Variants in TLE1 observed in about 807,000 individuals in gnomAD.
TLE1 encodes the protein TLE family member 1, transcriptional corepressor.
A neutral mutation model predicts 89.8 loss-of-function variants in TLE1; 21 were observed. The observed-to-expected ratio is 0.23, with a 90% CI of 0.17 to 0.34. The LOEUF (loss-of-function observed/expected upper bound fraction) is 0.34, where lower values mean the gene tolerates loss of function less well. Ranked by LOEUF, TLE1 falls within the 10% of genes least tolerant of loss-of-function variation. The probability of loss-of-function intolerance (pLI) is 1.00; values close to 1 mark genes in which losing one functional copy is unlikely to be tolerated. For missense variants in TLE1, 795 were observed against 1,031.2 expected (o/e 0.77, Z 3.14); for synonymous variants, 447 against 407.6 (o/e 1.10, Z -1.16).
intron 6 of TLE1, among the ~76,000 whole-genome samples, chr9:81,651,202 T>C (rs373450199): frequency 4.6e-5 from 7 of 152,270 alleles, no homozygotes; most frequent in Admixed American, 1.3e-4. Context: ...TTAACATAAA[T>C]TGATAAATGA....
chr9:81,591,076 G>A (rs770822821), intron 15 of TLE1, 24 bp from the exon 16 acceptor site: 1 of 1,601,818 alleles, frequency 6.2e-7, no homozygotes, highest in Non-Finnish European at 8.5e-7. Flanking sequence ...ATAATTCATT[G>A]CTATAATGAA....
intron 14 of TLE1, among the ~76,000 whole-genome samples, chr9:81,600,793 G>A (rs1488707530): frequency 6.6e-6 from 1 of 152,166 alleles, no homozygotes; most frequent in African/African-American, 2.4e-5. Flanking sequence ...GGTAACCTGA[G>A]TAAAGAAGGT....
chr9:81,617,031 C>T (rs78729715), intron 9 of TLE1, among the ~76,000 whole-genome samples: 8 of 150,114 alleles, frequency 5.3e-5, no homozygotes, highest in East Asian at 4.0e-4. Context: ...CTGAATTTCT[C>T]GAGGGATGAA....
At chr9:81,659,097 T>C (rs184471828) in intron 4 of TLE1, among the ~76,000 whole-genome samples, 1 of 152,112 alleles carries the variant, frequency 6.6e-6, no homozygotes, top group East Asian at 1.9e-4. Context: ...TTAGTAGAGA[T>C]GGGGTTTCAC....
intron 8 of TLE1, among the ~76,000 whole-genome samples, chr9:81,632,137 A>G (rs1201497071): frequency 6.6e-6 from 1 of 150,974 alleles, no homozygotes. Context: ...GCAAAACAAT[A>G]AGGCTTCCTC....
chr9:81,687,446 CA>C lies in TLE1; in HGVS notation c.25-13del. 6.2e-7 allele frequency: 1 copy of C among 1,602,700 alleles called. No individual in the cohort carries two copies. ...GCCTGGTGCGGCGTCTGGGGGCGACCAGCGAGGGGGACCGAGGGACGGGAAT... is the reference window on the plus strand; with the variant it reads ...GCCTGGTGCGGCGTCTGGGGGCGACCGCGAGGGGGACCGAGGGACGGGAAT... On this transcript the variant is annotated splice_polypyrimidine_tract_variant and intron_variant, in intron 1 of 19. Transcript: ENST00000376499.
chr9:81,638,387 G>A (rs1346698515), intron 6 of TLE1, among the ~76,000 whole-genome samples: 2 of 152,186 alleles, frequency 1.3e-5, no homozygotes, highest in Admixed American at 1.3e-4. Flanking sequence ...ATTTAAATGA[G>A]TAGAGGGTCC....
chr9:81,645,121 A>G (rs1353633597), intron 6 of TLE1, among the ~76,000 whole-genome samples: 1 of 151,580 alleles, frequency 6.6e-6, no homozygotes, highest in Non-Finnish European at 1.5e-5. Flanking sequence ...GCACTTTGGG[A>G]GGCCAAGGCA....
chr9:81,667,897 C>G (rs1227089687), intron 4 of TLE1, among the ~76,000 whole-genome samples: 1 of 152,210 alleles, frequency 6.6e-6, no homozygotes, highest in East Asian at 1.9e-4. Flanking sequence ...GGCGTGATGG[C>G]TCACACCTGT....
At chr9:81,596,874 G>T (rs965356589) in intron 14 of TLE1, among the ~76,000 whole-genome samples, 2 of 152,198 alleles carry the variant, frequency 1.3e-5, no homozygotes, top group African/African-American at 4.8e-5. Flanking sequence ...AAAAGTCACT[G>T]AGCTAGACAT....
chr9:81,682,506 T>C lies in TLE1; in HGVS notation c.234+3170A>G, dbSNP rs144903380. On this transcript the variant is annotated intron_variant, in intron 4 of 19. Transcript: ENST00000376499. ...AATGACAATTTATAGCATGGCTTCA[T>C]CAGCATGCTGAAAAGATAACATGAG... Among the ~76,000 whole-genome samples, 1,175 of 152,346 alleles carry C rather than the reference T, an allele frequency of 7.7e-3. 18 individuals carry two copies. The highest frequency in any genetic ancestry group is 0.027 in the African/African-American group (1,115 of 41,578).
intron 4 of TLE1, among the ~76,000 whole-genome samples, chr9:81,677,631 T>C (rs1833070683): frequency 1.3e-5 from 2 of 151,822 alleles, no homozygotes; most frequent in Admixed American, 1.3e-4. Context: ...CAAGAGGTTG[T>C]ACGTATACCT....
intron 4 of TLE1, among the ~76,000 whole-genome samples, chr9:81,680,755 G>A (rs941318823): frequency 1.3e-5 from 2 of 151,786 alleles, no homozygotes; most frequent in African/African-American, 2.4e-5. Context: ...ATGAAGTTGA[G>A]GACCACTCCA....
At position 81,673,374 on chromosome 9, in the gene TLE1, T is replaced by G. The variant is rs574524471; in HGVS notation, c.234+12302A>C. On this transcript the variant is annotated intron_variant, in intron 4 of 19. Coordinates refer to ENST00000376499, the MANE Select transcript of TLE1 (RefSeq NM_005077.5). ...GCTTATGATCTTAGAAGGAAAGAAA[T>G]AAAACACGGTAATGGGAAAATCAGT... 5.0e-5 allele frequency among the ~76,000 whole-genome samples: 6 copies of G among 120,878 alleles called. No homozygotes were observed. In the East Asian group the frequency reaches 1.2e-3, roughly 23 times the overall value. 79.3% of individuals were successfully genotyped at this position (120,878 alleles called of 152,430 possible).
chr9:81,687,307 A>T (rs1210574203), intron 2 of TLE1, 27 bp downstream of exon 2: 2 of 1,579,216 alleles, frequency 1.3e-6, no homozygotes, highest in Non-Finnish European at 1.7e-6. Context: ...GCCCGCGACC[A>T]CTCGCATGGC....
chr9:81,642,799 TCAC>T (rs1204880572), intron 6 of TLE1, among the ~76,000 whole-genome samples: 1 of 152,184 alleles, frequency 6.6e-6, no homozygotes, highest in Non-Finnish European at 1.5e-5. Flanking sequence ...GCAGTGCTAT[TCAC>T]GAGAGCCAAG....
At chr9:81,624,190 A>G (rs1001230139) in intron 8 of TLE1, among the ~76,000 whole-genome samples, 2 of 152,208 alleles carry the variant, frequency 1.3e-5, no homozygotes, top group Non-Finnish European at 2.9e-5. Flanking sequence ...CCTACCTCCT[A>G]ACCAACAGAA....
chr9:81,599,653 T>G (rs1830663371), intron 14 of TLE1, among the ~76,000 whole-genome samples: 1 of 152,188 alleles, frequency 6.6e-6, no homozygotes, highest in African/African-American at 2.4e-5. Context: ...AACCTTCCTC[T>G]GTCAATTTTT....
At chr9:81,596,566 C>T (rs369781798) in intron 14 of TLE1, among the ~76,000 whole-genome samples, 15 of 152,132 alleles carry the variant, frequency 9.9e-5, no homozygotes, top group East Asian at 9.6e-4. Context: ...ACTTTCTCTA[C>T]TGGTTGAGGA....
Sources: allele counts gnomAD v4.1 joint callset (sites outside exome capture counted in the v4.1 genomes callset), GRCh38; gene constraint gnomAD v4.1.1; transcripts MANE v1.5; gene names NCBI Gene and HGNC (gene_info 2026-07-23, HGNC 2026-07-21).